Variants in SMUG1 observed in about 807,000 individuals in gnomAD.
The protein encoded by SMUG1 is single-strand-selective monofunctional uracil-DNA glycosylase 1, also known as single-strand selective monofunctional uracil DNA glycosylase.
A neutral mutation model predicts 23.9 loss-of-function variants in SMUG1; 13 were observed. That is an observed-to-expected ratio of 0.54 (90% CI 0.35 to 0.86). The LOEUF (loss-of-function observed/expected upper bound fraction) is 0.86. Among genes scored for constraint, SMUG1 ranks in the 40% least tolerant of loss-of-function variants. The probability of loss-of-function intolerance (pLI) is 0.01; values close to 1 mark genes in which losing one functional copy is unlikely to be tolerated. For missense variants in SMUG1, 313 were observed against 339.5 expected (o/e 0.92, Z 0.61); for synonymous variants, 133 against 139.8 (o/e 0.95, Z 0.34).
At chr12:54,161,866 G>A (rs548124201), downstream of SMUG1, among the ~76,000 whole-genome samples, 5 of 152,304 alleles carry the variant, frequency 3.3e-5, no homozygotes, top group Admixed American at 2.0e-4. The surrounding 1 kb of genome is among the most constrained non-coding windows in gnomAD (Gnocchi z 4.2). Flanking sequence ...AGGCGGAGGC[G>A]GCAGTGGTAG....
Position 54,182,352 on chromosome 12 carries a change from T to C in SMUG1, c.557A>G (p.Gln186Arg). 6.2e-7 allele frequency: 1 copy of C among 1,614,172 alleles called. No homozygotes were observed. The highest frequency in any genetic ancestry group is 1.7e-5 in the Admixed American group (1 of 60,020). The change falls in exon 4 of 4, where the codon CAG (glutamine) becomes CGG (arginine). Residue 186 changes from glutamine to arginine, a missense_variant. Gln to Arg is a conservative substitution (Grantham distance 43). Transcript: ENST00000682136. Reference protein sequence around the residue: ...NLTPAELPAKQREQLLGICDA... With the variant: ...NLTPAELPAKRREQLLGICDA... ...ACAGATCCCAAGAAGCTGTTCTCGC[T>C]GCTTGGCAGGCAGCTCAGCAGGAGT...
chr12:54,178,773 T>C (rs1940813596), downstream of SMUG1, among the ~76,000 whole-genome samples: 1 of 152,214 alleles, frequency 6.6e-6, no homozygotes, highest in Admixed American at 6.5e-5. Flanking sequence ...TACTTGTGTG[T>C]TGGTAAATAT....
Position 54,183,642 on chromosome 12 carries a change from GC to G in SMUG1, c.285+13del. 6.2e-7 allele frequency: 1 copy of G among 1,613,590 alleles called. No homozygotes were observed. The highest frequency in any genetic ancestry group is 1.1e-5 in the South Asian group (1 of 91,056). ...ACCCCCCACTCCACCCACTGGGGAA[GC>G]CAAACCCTTTACCCCAGTCTGGGCC... is the stretch of plus-strand genomic sequence containing the variant. On this transcript the variant is annotated intron_variant, in intron 3 of 3. Coordinates refer to ENST00000682136, the MANE Select transcript of SMUG1 (RefSeq NM_001243787.2).
intron 2 of SMUG1, among the ~76,000 whole-genome samples, chr12:54,173,863 CCCCGA>C (rs1940690107): frequency 6.6e-6 from 1 of 151,806 alleles, no homozygotes; most frequent in African/African-American, 2.4e-5. Context: ...ACGACAAGCC[CCCCGA>C]AGATGCCCCA....
intron 1 of SMUG1, among the ~76,000 whole-genome samples, chr12:54,188,265 CG>C (rs1303523549): frequency 2.4e-5 from 2 of 84,060 alleles, no homozygotes; most frequent in African/African-American, 4.5e-5. Context: ...TATCCTTAAA[CG>C]AAATAATAAT....
At chr12:54,179,587 C>A (rs912296597), downstream of SMUG1, among the ~76,000 whole-genome samples, 7 of 152,104 alleles carry the variant, frequency 4.6e-5, no homozygotes, top group Non-Finnish European at 8.8e-5. Flanking sequence ...TACTGTAATG[C>A]AATTCTGATG....
At chr12:54,186,951 CAGA>C (rs1384425288) in intron 2 of SMUG1, 1 of 152,184 alleles carries the variant, frequency 6.6e-6, no homozygotes, top group African/African-American at 2.4e-5. Context: ...GAGGCCAAGG[CAGA>C]AGAATTGCTT....
At chr12:54,159,220 C>T (rs1443136573) in intron 4 of SMUG1, among the ~76,000 whole-genome samples, 1 of 152,180 alleles carries the variant, frequency 6.6e-6, no homozygotes, top group Non-Finnish European at 1.5e-5. Flanking sequence ...AGCCCCCAGC[C>T]CTCAGCCCTC....
intron 2 of SMUG1, chr12:54,172,320 A>C (rs1339050164): frequency 3.3e-6 from 1 of 303,180 alleles, no homozygotes; most frequent in Non-Finnish European, 6.9e-6. Context: ...AACACACCAG[A>C]CATGCTCACA....
intron 2 of SMUG1, among the ~76,000 whole-genome samples, chr12:54,185,534 C>T (rs1042264265): frequency 2.1e-5 from 3 of 145,656 alleles, no homozygotes; most frequent in South Asian, 4.3e-4. Flanking sequence ...ATAAATTTGC[C>T]GGGCGCAACA....
At chr12:54,184,189 G>A (rs773971218) in intron 2 of SMUG1, 3 of 408,740 alleles carry the variant, frequency 7.3e-6, no homozygotes, top group Non-Finnish European at 1.3e-5. Context: ...GGCACCTGGT[G>A]AGGATAAGCC....
At chr12:54,182,658 ACTGGAG>A in intron 3 of SMUG1, 35 bp from the exon 4 acceptor site, 1 of 1,573,734 alleles carries the variant, frequency 6.4e-7, no homozygotes, top group Non-Finnish European at 8.6e-7. Context: ...AAGGCTTCAA[ACTGGAG>A]ACCTGAGGCC....
At chr12:54,171,964 T>C (rs1940630614) in intron 3 of SMUG1, 1 of 405,230 alleles carries the variant, frequency 2.5e-6, no homozygotes, top group Non-Finnish European at 5.2e-6. Context: ...TATCAAAAAT[T>C]TGACCACTCC....
At position 54,184,103 on chromosome 12, in the gene SMUG1, A is replaced by C. The variant is rs376711664; in HGVS notation, c.-19-144T>G. 55 of 595,480 alleles carry C rather than the reference A, an allele frequency of 9.2e-5. No homozygotes were observed. In the African/African-American group the frequency reaches 9.2e-4, roughly 10 times the overall value. 36.9% of individuals were successfully genotyped at this position (595,480 alleles called of 1,614,324 possible). ...GTCAGTCATCTACCAACCACCAAGTAGGACTGAACTCATCTCAGTTCTTGG... is the reference window on the plus strand; with the variant it reads ...GTCAGTCATCTACCAACCACCAAGTCGGACTGAACTCATCTCAGTTCTTGG... On this transcript the variant is annotated intron_variant, in intron 2 of 3. Transcript: ENST00000682136.
chr12:54,165,390 C>T (rs7298265), exon 4 of SMUG1: 1 of 152,180 alleles, frequency 6.6e-6, no homozygotes, highest in Non-Finnish European at 1.5e-5. Flanking sequence ...AGACACAGAT[C>T]GCCAGGTGTA....
chr12:54,160,395 G>T (rs1170215662), downstream of SMUG1, among the ~76,000 whole-genome samples: 1 of 152,202 alleles, frequency 6.6e-6, no homozygotes. Flanking sequence ...CTGCTACCCT[G>T]GGCAGTCCTG....
intron 3 of SMUG1, among the ~76,000 whole-genome samples, chr12:54,170,468 A>G (rs1046876508): frequency 5.9e-5 from 9 of 152,116 alleles, no homozygotes; most frequent in African/African-American, 1.7e-4. Flanking sequence ...ATATGGGCCA[A>G]TGAGGGCCTG....
rs1458793861 is a variant in SMUG1, at chr12:54,181,933, A to G, written c.*163T>C. 2 of 1,465,832 alleles carry G rather than the reference A, an allele frequency of 1.4e-6. No homozygotes were observed. Among genetic ancestry groups the G allele is most frequent in the Non-Finnish European group, 1.8e-6 (2 of 1,111,988 alleles). 90.8% of individuals were successfully genotyped at this position (1,465,832 alleles called of 1,614,324 possible). A position where few individuals can be genotyped will look rare whatever the true frequency, so the allele number is the denominator to read the frequency against. On this transcript the variant is annotated 3_prime_UTR_variant, in exon 4 of 4. Coordinates refer to ENST00000682136, the MANE Select transcript of SMUG1 (RefSeq NM_001243787.2). ...AAACAGGAGTAGTGTCAAAACTGCCATGGCAGGTTGGAAGACAGTTCAACA... is the reference window on the plus strand; with the variant it reads ...AAACAGGAGTAGTGTCAAAACTGCCGTGGCAGGTTGGAAGACAGTTCAACA...
At position 54,183,920 on chromosome 12, in the gene SMUG1, C is replaced by T. The variant is rs1168711580; in HGVS notation, c.21G>A (p.Leu7=). Residue 7 remains leucine (L), a synonymous_variant, in exon 3 of 4, where the codon CTG becomes CTA. Transcript: ENST00000682136. The part of the protein sequence containing the change: MPQAFL[L]GSIHEPAGAL... ...CACCTGCAGGCTCATGGATGGACCC[C>T]AGCAGGAAAGCCTGGGGCATATGTC... 3.2e-6 allele frequency: 5 copies of T among 1,582,688 alleles called. No individual in the cohort carries two copies. The highest frequency in any genetic ancestry group is 4.3e-6 in the Non-Finnish European group (5 of 1,164,504).
Sources: allele counts gnomAD v4.1 joint callset (sites outside exome capture counted in the v4.1 genomes callset), GRCh38; gene constraint gnomAD v4.1.1; non-coding constraint Gnocchi (gnomAD v3.1); transcripts MANE v1.5; gene names NCBI Gene and HGNC (gene_info 2026-07-23, HGNC 2026-07-21).